Variants in NT5DC2 observed in about 807,000 individuals in gnomAD.
NT5DC2 encodes 5'-nucleotidase domain containing 2.
A neutral mutation model predicts 70.0 loss-of-function variants in NT5DC2; 41 were observed. That is an observed-to-expected ratio of 0.59 (90% CI 0.46 to 0.76). NT5DC2 has a LOEUF of 0.76. Among genes scored for constraint, NT5DC2 ranks in the 30% least tolerant of loss-of-function variants. The pLI is 0.00. For synonymous variants in NT5DC2, 299 were observed against 310.4 expected (o/e 0.96, Z 0.39); for missense variants, 705 against 783.2 (o/e 0.90, Z 1.19).
In NT5DC2 at chr3:52,531,412, G is replaced by A. The variant is rs116209535; in HGVS notation, c.233-2078C>T. ...CCCTGAGTTCCCGGATACCAACTGT[G>A]ACTGTGACTCTTGGTGCAGAAGACC... On this transcript the variant is annotated intron_variant, in intron 1 of 13. Transcript: ENST00000422318. This position sits in a 1 kb window ranked among gnomAD's most constrained non-coding sequence, Gnocchi z 4.1. 1.0e-3 allele frequency among the ~76,000 whole-genome samples: 159 copies of A among 152,250 alleles called. No individual in the cohort carries two copies. Among genetic ancestry groups the A allele is most frequent in the Non-Finnish European group, 1.8e-3 (125 of 68,000 alleles).
rs1452247691 is a variant in NT5DC2 at position 52,529,306 on chromosome 3, G to C, written c.261C>G (p.Leu87=). The part of the protein sequence containing the change: ...HDLLPPEVCS[L]LNPAAIYANN... ...TGGCGTAGATGGCTGCTGGGTTCAG[G>C]AGACTGCAGACCTCGGGGGGCAGGA... The change falls in exon 2 of 14, where the codon CTC becomes CTG. Residue 87 remains leucine, a synonymous_variant. Transcript: ENST00000422318. This position sits in a 1 kb window ranked among gnomAD's most constrained non-coding sequence, Gnocchi z 4.1. The C allele has an allele frequency of 6.2e-7, 1 of 1,613,706 alleles. No individual in the cohort carries two copies. The highest frequency in any genetic ancestry group is 1.3e-5 in the African/African-American group (1 of 74,892).
chr3:52,528,654 C>T lies in NT5DC2; in HGVS notation c.531G>A (p.Gln177=), dbSNP rs573463767. The T allele has an allele frequency of 6.3e-7, 1 of 1,586,356 alleles. No homozygotes were observed. Among genetic ancestry groups the T allele is most frequent in the Non-Finnish European group, 8.6e-7 (1 of 1,166,830 alleles). ...CGACTGACCTGTAGGCTGTCCCCAG[C>T]TGCACGTAGTGGAAGGCGTCAATCT... is the stretch of plus-strand genomic sequence containing the variant. ...LMKIDAFHYV[Q]LGTAYRGLQP... Residue 177 remains glutamine (Q), a synonymous_variant, in exon 4 of 14, where the codon CAG becomes CAA. Transcript: ENST00000422318.
intron 10 of NT5DC2, 158 bp from the exon 11 acceptor site, chr3:52,525,453 T>G (rs2079245449): frequency 4.8e-6 from 3 of 623,682 alleles, no homozygotes; most frequent in Non-Finnish European, 8.7e-6. Context: ...CTTGTCACTT[T>G]CCCCTCCTAC....
At position 52,529,349 on chromosome 3, in the gene NT5DC2, T is replaced by C. The variant is rs1427858205; in HGVS notation, c.233-15A>G. On this transcript the variant is annotated splice_polypyrimidine_tract_variant and intron_variant, in intron 1 of 13. Transcript: ENST00000422318. This position sits in a 1 kb window ranked among gnomAD's most constrained non-coding sequence, Gnocchi z 4.1. ...GGGCAGGAGGTCTAGAGGAAGGAGA[T>C]GCAGGGAGGCAGTGATGGGGATGAT... The C allele has an allele frequency of 1.2e-6, 2 of 1,611,370 alleles. No homozygotes were observed. Among genetic ancestry groups the C allele is most frequent in the Non-Finnish European group, 8.5e-7 (1 of 1,178,874 alleles).
Position 52,530,467 on chromosome 3 carries a change from A to G in NT5DC2, c.233-1133T>C, listed in dbSNP as rs373984890. 3.3e-5 allele frequency among the ~76,000 whole-genome samples: 5 copies of G among 152,320 alleles called. No individual in the cohort carries two copies. In the East Asian group the frequency reaches 5.8e-4, roughly 18 times the overall value. ...GGCCACATGCAATGAGGTCAGCCAG[A>G]CAAGACCAGGCCCTCCCTCTCATGG... On this transcript the variant is annotated intron_variant, in intron 1 of 13. Transcript: ENST00000422318.
intron 1 of NT5DC2, among the ~76,000 whole-genome samples, chr3:52,530,764 T>C (rs1030535917): frequency 3.9e-5 from 6 of 152,214 alleles, no homozygotes; most frequent in African/African-American, 1.4e-4. Context: ...AAGGTGCTGC[T>C]CTGTGCAGCA....
Position 52,533,580 on chromosome 3 carries a change from TG to T in NT5DC2, c.157del (p.Gln53ArgfsTer36). 7.7e-7 allele frequency: 1 copy of T among 1,301,210 alleles called. No individual in the cohort carries two copies. Among genetic ancestry groups the T allele is most frequent in the Non-Finnish European group, 9.8e-7 (1 of 1,025,230 alleles). The allele number at this position is 1,301,210 out of a possible 1,614,324, so 80.6% of individuals were successfully genotyped here. A position where few individuals can be genotyped will look rare whatever the true frequency, so the allele number is the denominator to read the frequency against. On this transcript the variant is annotated frameshift_variant, in exon 1 of 14. Transcript: ENST00000422318. LOFTEE classifies it high-confidence loss of function. ...CPGVPRSAPAQAPTSGADLSA... is the reference protein window; with the variant it reads ...CPGVPRSAPAXAPTSGADLSA... ...GAGGTCGGCGCCGCTGGTGGGTGCCTGGGCGGGCGCGGAGCGCGGGACGCCG... is the reference window on the plus strand; with the variant it reads ...GAGGTCGGCGCCGCTGGTGGGTGCCTGGCGGGCGCGGAGCGCGGGACGCCG...
At chr3:52,534,914 C>T (rs1284358148), upstream of NT5DC2, 5 of 478,946 alleles carry the variant, frequency 1.0e-5, no homozygotes, top group South Asian at 2.4e-5. Context: ...TCGAGTGTGG[C>T]GGTGTCCCCA....
At chr3:52,534,995 C>T (rs2079408674), upstream of NT5DC2, 1 of 275,548 alleles carries the variant, frequency 3.6e-6, no homozygotes, top group Non-Finnish European at 6.9e-6. Context: ...GAGGGGATGC[C>T]CTGCAGCATC....
At chr3:52,534,885 T>C (rs770938579), upstream of NT5DC2, 2 of 549,594 alleles carry the variant, frequency 3.6e-6, no homozygotes, top group Non-Finnish European at 6.4e-6. Context: ...CTGGTAAGGA[T>C]TGAGGCCGTA....
At position 52,528,877 on chromosome 3, in the gene NT5DC2, T is replaced by C; in HGVS notation, c.476A>G (p.His159Arg). ...GCCACTCACCTTCTGAATGTCATAG[T>C]GGAGGCCACGGATGGCAAAGCTGGG... ...YNPSFAIRGL[H>R]YDIQKSLLMK... The change falls in exon 3 of 14, where the codon CAC becomes CGC. Residue 159 changes from histidine (H) to arginine (R), a missense_variant. By Grantham distance (29) the His-to-Arg change is conservative. Coordinates refer to ENST00000422318, the MANE Select transcript of NT5DC2 (RefSeq NM_001134231.2). The C allele has an allele frequency of 6.2e-7, 1 of 1,614,040 alleles. No individual in the cohort carries two copies. The highest frequency in any genetic ancestry group is 8.5e-7 in the Non-Finnish European group (1 of 1,179,998).
rs750440808 is a variant in NT5DC2, at chr3:52,527,694, C to T, written c.960G>A (p.Val320=). The T allele has an allele frequency of 1.6e-5, 26 of 1,613,190 alleles. No individual in the cohort carries two copies. Among genetic ancestry groups the T allele is most frequent in the Admixed American group, 3.3e-5 (2 of 60,002 alleles). Residue 320 remains valine (V), a synonymous_variant, in exon 9 of 14, where the codon GTG becomes GTA. Transcript: ENST00000422318. ...SFVDKGMRHM[V]GPDWRQLFDV... Reference sequence around the variant, plus strand: ...CGAAGAGCTGGCGCCAATCGGGACCCACCATGTGCCGCATCCCCTTGTCTC... The same window carrying T: ...CGAAGAGCTGGCGCCAATCGGGACCTACCATGTGCCGCATCCCCTTGTCTC...
chr3:52,524,910 G>A (rs2153234400), intron 12 of NT5DC2, 29 bp from the exon 13 acceptor site: 2 of 1,611,530 alleles, frequency 1.2e-6, no homozygotes, highest in South Asian at 1.1e-5. Context: ...CATTGGGTGT[G>A]TGCACCCAGG....
At chr3:52,525,132 C>G in intron 11 of NT5DC2, 29 bp from the exon 12 acceptor site, 1 of 778,210 alleles carries the variant, frequency 1.3e-6, no homozygotes, top group Non-Finnish European at 2.0e-6. Flanking sequence ...GAACTGGGCT[C>G]AGCGCCAGTT....
At chr3:52,524,788 G>A in intron 13 of NT5DC2, 29 bp downstream of exon 13, 1 of 1,612,536 alleles carries the variant, frequency 6.2e-7, no homozygotes, top group South Asian at 1.1e-5. Context: ...GGCTTGGCTG[G>A]GACTCCTGCC....
chr3:52,528,757 C>T, intron 3 of NT5DC2, 65 bp from the exon 4 acceptor site: 3 of 1,606,860 alleles, frequency 1.9e-6, no homozygotes, highest in Non-Finnish European at 8.5e-7. Context: ...CCAAGCCAGC[C>T]TCTTTCAGCC....
rs1197114851 is a variant in NT5DC2, at chr3:52,528,082, A to G, written c.772-9T>C. 6.2e-7 allele frequency: 1 copy of G among 1,612,680 alleles called. No homozygotes were observed. Among genetic ancestry groups the G allele is most frequent in the African/African-American group, 1.3e-5 (1 of 74,920 alleles). On this transcript the variant is annotated splice_polypyrimidine_tract_variant and intron_variant, in intron 6 of 13. Coordinates refer to ENST00000422318, the MANE Select transcript of NT5DC2 (RefSeq NM_001134231.2). ...ACGTCTCGGATGGCGTCCTGGGGGCAGTGGAGGACAATGAGGGTACAGCAG... is the reference window on the plus strand; with the variant it reads ...ACGTCTCGGATGGCGTCCTGGGGGCGGTGGAGGACAATGAGGGTACAGCAG...
chr3:52,527,567 G>T, intron 9 of NT5DC2, 50 bp downstream of exon 9: 1 of 1,585,008 alleles, frequency 6.3e-7, no homozygotes, highest in Non-Finnish European at 8.6e-7. Flanking sequence ...TCATTGGGGT[G>T]GGGCCTCTAT....
chr3:52,534,493 C>G (rs748577963), upstream of NT5DC2: 7 of 1,612,014 alleles, frequency 4.3e-6, no homozygotes, highest in Non-Finnish European at 2.5e-6. Context: ...ACGGTCACTG[C>G]GCCCGCTTGG....
Sources: gnomAD v4.1 joint callset for allele counts (sites outside exome capture counted in the v4.1 genomes callset) on GRCh38, gnomAD v4.1.1 for gene constraint, Gnocchi (gnomAD v3.1) non-coding constraint, MANE v1.5 for transcripts, NCBI Gene and HGNC (gene_info 2026-07-23, HGNC 2026-07-21) for gene names.